The following CRYBG1 variants were observed in gnomAD, a reference collection of about 807,000 sequenced individuals.
The protein encoded by CRYBG1 is beta/gamma crystallin domain-containing protein 1.
CRYBG1 carries 139 observed loss-of-function variants against 189.2 expected under a neutral mutation model. That is an observed-to-expected ratio of 0.73 (90% confidence interval 0.64 to 0.85). The LOEUF is 0.85. Among genes scored for constraint, CRYBG1 ranks in the 40% least tolerant of loss-of-function variants. The pLI is 0.00. For missense variants in CRYBG1, 2,611 were observed against 2,675.8 expected (o/e 0.98, Z 0.53); for synonymous variants, 1,023 against 1,017.1 (o/e 1.01, Z -0.11).
intron 8 of CRYBG1, among the ~76,000 whole-genome samples, chr6:106,537,045 A>C (rs1774020496): frequency 6.6e-6 from 1 of 152,258 alleles, no homozygotes; most frequent in Non-Finnish European, 1.5e-5. Flanking sequence ...TCAGAACAGC[A>C]GTCTTTTCAA....
chr6:106,511,840 G>A lies in CRYBG1; in HGVS notation c.723G>A (p.Glu241=). Residue 241 remains glutamate, a synonymous_variant, in exon 3 of 22, where the codon GAG becomes GAA. Coordinates refer to ENST00000633556, the MANE Select transcript of CRYBG1 (RefSeq NM_001371242.2). ...DSPQLEPLEA[E]GEPFPDATTT... ...CCCAATTAGAACCTCTGGAGGCAGA[G>A]GGAGAGCCTTTCCCAGATGCCACCA... The A allele has an allele frequency of 5.9e-6, 9 of 1,515,774 alleles. No homozygotes were observed. The highest frequency in any genetic ancestry group is 7.1e-6 in the Non-Finnish European group (8 of 1,133,930). 93.9% of individuals were successfully genotyped at this position (1,515,774 alleles called of 1,614,324 possible).
At chr6:106,516,676 A>T (rs10499048) in intron 3 of CRYBG1, among the ~76,000 whole-genome samples, 32,818 of 152,132 alleles carry the variant, frequency 0.22, 4,024 homozygotes, top group South Asian at 0.3. Context: ...CTGACTTTAA[A>T]TGATAAAGAT....
At chr6:106,373,983 T>C (rs1368672256) in intron 1 of CRYBG1, among the ~76,000 whole-genome samples, 1 of 152,220 alleles carries the variant, frequency 6.6e-6, no homozygotes, top group Non-Finnish European at 1.5e-5. Context: ...TCCAAAGTGG[T>C]CTTGATGTAT....
chr6:106,388,939 T>G (rs895548890), intron 1 of CRYBG1, among the ~76,000 whole-genome samples: 1 of 152,226 alleles, frequency 6.6e-6, no homozygotes, highest in Admixed American at 6.5e-5. Flanking sequence ...TTTGTACTTT[T>G]AAACCTAAAG....
chr6:106,554,795 T>G (rs149529766), intron 16 of CRYBG1, among the ~76,000 whole-genome samples: 195 of 152,236 alleles, frequency 1.3e-3, no homozygotes, highest in African/African-American at 4.6e-3. Context: ...GAGCAGGGAC[T>G]TTGGTTCTCT....
At chr6:106,374,234 G>A (rs1044838098) in intron 1 of CRYBG1, among the ~76,000 whole-genome samples, 9 of 151,956 alleles carry the variant, frequency 5.9e-5, no homozygotes, top group Non-Finnish European at 8.8e-5. Context: ...TACACTTACC[G>A]CTATAATAAA....
intron 1 of CRYBG1, among the ~76,000 whole-genome samples, chr6:106,411,915 C>T (rs537948721): frequency 6.6e-6 from 1 of 152,318 alleles, no homozygotes; most frequent in South Asian, 2.1e-4. Flanking sequence ...AGCAAGAGGT[C>T]CCAGCAAGCT....
At chr6:106,445,195 G>C (rs9373865) in intron 1 of CRYBG1, among the ~76,000 whole-genome samples, 9,771 of 152,236 alleles carry the variant, frequency 0.064, 445 homozygotes, top group East Asian at 0.16. Context: ...CTGTAACTTT[G>C]AGGATGCTTT....
intron 1 of CRYBG1, among the ~76,000 whole-genome samples, chr6:106,377,321 T>C (rs1770185548): frequency 6.6e-6 from 1 of 152,172 alleles, no homozygotes; most frequent in African/African-American, 2.4e-5. Flanking sequence ...CATGCTCCCT[T>C]ATATGAACAA....
Position 106,527,416 on chromosome 6 carries a change from A to G in CRYBG1, c.4524A>G (p.Glu1508=). 6.2e-7 allele frequency: 1 copy of G among 1,613,782 alleles called. No homozygotes were observed. The highest frequency in any genetic ancestry group is 8.5e-7 in the Non-Finnish European group (1 of 1,179,768). The change falls in exon 7 of 22, where the codon GAA becomes GAG. Residue 1508 remains glutamate (E), a synonymous_variant. Coordinates refer to ENST00000633556, the MANE Select transcript of CRYBG1 (RefSeq NM_001371242.2). ...TAGAAGACATTTTGGAAAGGCACGA[A>G]GAAGCAGAGTCTGATAAGCCAGTGG... is the stretch of plus-strand genomic sequence containing the variant. ...WGIEDILERH[E]EAESDKPVVI... is the part of the protein sequence containing the mutation.
chr6:106,566,017 G>A (rs1227399308), intron 21 of CRYBG1, among the ~76,000 whole-genome samples: 1 of 152,138 alleles, frequency 6.6e-6, no homozygotes, highest in Non-Finnish European at 1.5e-5. Context: ...AAACCTTCCT[G>A]TTTTTTACAA....
intron 21 of CRYBG1, among the ~76,000 whole-genome samples, chr6:106,567,544 T>C (rs202244659): frequency 1.3e-5 from 2 of 152,250 alleles, no homozygotes; most frequent in Non-Finnish European, 2.9e-5. Flanking sequence ...GGAGGAAGCA[T>C]GCTTTCAATA....
intron 1 of CRYBG1, among the ~76,000 whole-genome samples, chr6:106,426,140 C>A (rs187482891): frequency 3.3e-5 from 5 of 152,256 alleles, no homozygotes; most frequent in African/African-American, 9.6e-5. Flanking sequence ...CCACACCCAC[C>A]ACCAACTTGT....
intron 19 of CRYBG1, 103 bp downstream of exon 19, chr6:106,561,029 G>A: frequency 7.8e-7 from 1 of 1,285,894 alleles, no homozygotes; most frequent in Non-Finnish European, 1.1e-6. Context: ...GTTTATAACT[G>A]GCCTCACCCT....
At chr6:106,450,094 G>T (rs1312298447) in intron 1 of CRYBG1, among the ~76,000 whole-genome samples, 3 of 151,848 alleles carry the variant, frequency 2.0e-5, no homozygotes, top group Non-Finnish European at 4.4e-5. Flanking sequence ...GGGTGTGGTG[G>T]CACATGCCTG....
At chr6:106,542,961 T>A (rs934063797) in intron 10 of CRYBG1, among the ~76,000 whole-genome samples, 3 of 149,692 alleles carry the variant, frequency 2.0e-5, no homozygotes, top group Admixed American at 6.7e-5. Context: ...GTTAATTTTT[T>A]AAAATATGAT....
intron 2 of CRYBG1, among the ~76,000 whole-genome samples, chr6:106,469,874 G>A (rs1772194777): frequency 6.6e-6 from 1 of 152,196 alleles, no homozygotes; most frequent in Admixed American, 6.5e-5. Context: ...CTGCCCCAAG[G>A]CCCATGAAGA....
intron 13 of CRYBG1, among the ~76,000 whole-genome samples, chr6:106,545,767 C>A (rs532165581): frequency 6.6e-6 from 1 of 152,234 alleles, no homozygotes; most frequent in South Asian, 2.1e-4. Flanking sequence ...CAACCTCTGC[C>A]TCCTGGGCTT....
intron 21 of CRYBG1, among the ~76,000 whole-genome samples, chr6:106,564,173 C>A (rs1774806145): frequency 6.7e-6 from 1 of 148,922 alleles, no homozygotes; most frequent in Non-Finnish European, 1.5e-5. Flanking sequence ...GACAAAACAA[C>A]AACAACAACA....
Sources: gnomAD v4.1 joint callset for allele counts (sites outside exome capture counted in the v4.1 genomes callset) on GRCh38, gnomAD v4.1.1 for gene constraint, MANE v1.5 for transcripts, NCBI Gene and HGNC (gene_info 2026-07-23, HGNC 2026-07-21) for gene names.